EYS: variants seen among roughly 807,000 people sequenced by gnomAD.
The protein encoded by EYS is EGF-like photoreceptor maintenance factor.
Under a neutral mutation model 282.1 loss-of-function variants are expected in EYS, and 250 were observed. The observed-to-expected ratio is 0.89, with a 90% CI of 0.80 to 0.98. The LOEUF is 0.98. Ranked by LOEUF, EYS falls within the 50% of genes least tolerant of loss-of-function variation. The probability of loss-of-function intolerance (pLI) is 0.00; values close to 1 mark genes in which losing one functional copy is unlikely to be tolerated. For missense variants in EYS, 4,016 were observed against 3,709.0 expected, an observed-to-expected ratio of 1.08 and a Z score of -2.15; for synonymous variants, 1,355 against 1,282.9, an observed-to-expected ratio of 1.06 and a Z score of -1.20.
intron 11 of EYS, among the ~76,000 whole-genome samples, chr6:65,316,827 G>A (rs933901010): frequency 6.6e-6 from 1 of 152,150 alleles, no homozygotes; most frequent in African/African-American, 2.4e-5. Context: ...TGTTGTGGCT[G>A]CATAGTATTC....
chr6:65,193,732 A>G (rs1204430304), intron 12 of EYS, among the ~76,000 whole-genome samples: 1 of 151,686 alleles, frequency 6.6e-6, no homozygotes, highest in East Asian at 1.9e-4. Context: ...AAGAGAGTTA[A>G]GTAAACAATA....
chr6:64,691,144 A>T (rs1770367401), intron 22 of EYS, among the ~76,000 whole-genome samples: 2 of 152,132 alleles, frequency 1.3e-5, no homozygotes, highest in Non-Finnish European at 2.9e-5. Context: ...ATAAAAATAA[A>T]CTATTTCAGT....
intron 28 of EYS, among the ~76,000 whole-genome samples, chr6:64,409,276 T>C (rs941445924): frequency 2.6e-5 from 4 of 152,338 alleles, no homozygotes; most frequent in Middle Eastern, 3.4e-3. Context: ...TGTGTTTTTA[T>C]AGCAGAACAA....
chr6:63,968,459 T>C (rs1243885075), intron 35 of EYS, among the ~76,000 whole-genome samples: 1 of 152,172 alleles, frequency 6.6e-6, no homozygotes, highest in Non-Finnish European at 1.5e-5. Flanking sequence ...CTTTCTTTTT[T>C]TCTTACTCCA....
intron 1 of EYS, among the ~76,000 whole-genome samples, chr6:65,683,438 T>C (rs889156531): frequency 1.3e-5 from 2 of 151,416 alleles, no homozygotes; most frequent in African/African-American, 4.9e-5. Flanking sequence ...TAACTACTAT[T>C]GCAATAATGT....
intron 33 of EYS, among the ~76,000 whole-genome samples, chr6:64,020,395 C>A (rs1258623823): frequency 6.6e-6 from 1 of 152,000 alleles, no homozygotes; most frequent in African/African-American, 2.4e-5. Flanking sequence ...ATGTTTTCAT[C>A]CAAATTACAT....
At chr6:63,883,432 T>A (rs1209255211) in intron 35 of EYS, among the ~76,000 whole-genome samples, 1 of 152,202 alleles carries the variant, frequency 6.6e-6, no homozygotes, top group Admixed American at 6.5e-5. Flanking sequence ...GAAAACACAG[T>A]CTGAAGGAGC....
chr6:64,881,575 A>C (rs2150060193), intron 19 of EYS, among the ~76,000 whole-genome samples: 1 of 151,940 alleles, frequency 6.6e-6, no homozygotes, highest in South Asian at 2.1e-4. Flanking sequence ...CCGTAACATA[A>C]GCTCCTTTAG....
chr6:65,424,162 C>G (rs992883271), intron 5 of EYS, among the ~76,000 whole-genome samples: 2 of 151,944 alleles, frequency 1.3e-5, no homozygotes, highest in African/African-American at 4.8e-5. Context: ...CGAAGTTTTA[C>G]TTGCTTCTTT....
At chr6:64,808,562 G>GTC (rs1562202831) in intron 22 of EYS, among the ~76,000 whole-genome samples, 9 of 151,936 alleles carry the variant, frequency 5.9e-5, no homozygotes, top group East Asian at 3.9e-4. Flanking sequence ...ATGTGCCTGA[G>GTC]AACGTTAGAC....
chr6:65,399,251 T>G (rs1027358887), intron 7 of EYS, among the ~76,000 whole-genome samples: 5 of 152,036 alleles, frequency 3.3e-5, no homozygotes, highest in Admixed American at 1.3e-4. Flanking sequence ...GCCTTTTTTA[T>G]GGTTGCAGAA....
intron 31 of EYS, among the ~76,000 whole-genome samples, chr6:64,088,521 G>A (rs1305815182): frequency 3.3e-5 from 5 of 151,846 alleles, no homozygotes; most frequent in Admixed American, 3.3e-4. Flanking sequence ...TCAAGATGGA[G>A]AATCTTTTAA....
intron 5 of EYS, among the ~76,000 whole-genome samples, chr6:65,409,018 A>G (rs184966497): frequency 3.5e-4 from 54 of 152,316 alleles, no homozygotes; most frequent in Admixed American, 2.8e-3. Flanking sequence ...GAAGATTTCT[A>G]GAAACAATTC....
chr6:64,000,435 T>TCC (rs139705207), intron 33 of EYS, among the ~76,000 whole-genome samples: 1 of 150,390 alleles, frequency 6.6e-6, no homozygotes, highest in African/African-American at 2.5e-5. Context: ...TCGTGATCCA[T>TCC]CCCCCCTCCC....
chr6:64,023,065 G>T (rs1447287891), intron 33 of EYS, among the ~76,000 whole-genome samples: 1 of 152,120 alleles, frequency 6.6e-6, no homozygotes, highest in Non-Finnish European at 1.5e-5. Flanking sequence ...CTATGAATTT[G>T]CCCATTCCAT....
intron 1 of EYS, among the ~76,000 whole-genome samples, chr6:65,663,486 T>C (rs544815752): frequency 1.3e-5 from 2 of 152,020 alleles, no homozygotes; most frequent in Non-Finnish European, 2.9e-5. Context: ...AAGAAAGGAA[T>C]TATCACTAGC....
At chr6:64,705,046 T>C (rs555840368) in intron 22 of EYS, among the ~76,000 whole-genome samples, 1 of 152,230 alleles carries the variant, frequency 6.6e-6, no homozygotes, top group Non-Finnish European at 1.5e-5. Flanking sequence ...TGCTGTTTGC[T>C]GATGATATGA....
intron 27 of EYS, among the ~76,000 whole-genome samples, chr6:64,438,552 C>G (rs1234097466): frequency 6.6e-6 from 1 of 151,398 alleles, no homozygotes; most frequent in Non-Finnish European, 1.5e-5. Flanking sequence ...CAGACTCTAC[C>G]TGCCCTTAAG....
chr6:65,301,493 A>C (rs891659552), intron 11 of EYS, among the ~76,000 whole-genome samples: 43 of 152,152 alleles, frequency 2.8e-4, no homozygotes, highest in Non-Finnish European at 4.6e-4. Flanking sequence ...GTTTTCTGCT[A>C]GTGCTGCTGC....
Sources: allele counts gnomAD v4.1 joint callset (sites outside exome capture counted in the v4.1 genomes callset), GRCh38; gene constraint gnomAD v4.1.1; transcripts MANE v1.5; gene names NCBI Gene and HGNC (gene_info 2026-07-23, HGNC 2026-07-21).